Variants in MRPL38 observed in about 807,000 individuals in gnomAD.
MRPL38 encodes large ribosomal subunit protein mL38.
Under a neutral mutation model 52.1 loss-of-function variants are expected in MRPL38, and 51 were observed. That is an observed-to-expected ratio of 0.98 (90% CI 0.78 to 1.24). The LOEUF (loss-of-function observed/expected upper bound fraction) is 1.24, where lower values mean the gene tolerates loss of function less well. MRPL38 is among the 50% of genes most tolerant of loss of function. MRPL38 has a pLI of 0.00. For synonymous variants in MRPL38, 245 were observed against 212.7 expected, an observed-to-expected ratio of 1.15 and a Z score of -1.32; for missense variants, 527 against 518.6, an observed-to-expected ratio of 1.02 and a Z score of -0.16.
chr17:75,904,032 T>TG (rs2065417132), intron 2 of MRPL38, among the ~76,000 whole-genome samples: 1 of 152,164 alleles, frequency 6.6e-6, no homozygotes, highest in Admixed American at 6.5e-5. Flanking sequence ...CCGGCCAGGT[T>TG]GGGTTCTTTT....
intron 2 of MRPL38, among the ~76,000 whole-genome samples, chr17:75,902,790 C>T (rs993040980): frequency 6.6e-6 from 1 of 152,178 alleles, no homozygotes; most frequent in Non-Finnish European, 1.5e-5. Flanking sequence ...GGCGCGATCT[C>T]GGCACACTGC....
chr17:75,901,745 A>G lies in MRPL38; in HGVS notation c.558T>C (p.Pro186=), dbSNP rs2144132990. 6.2e-7 allele frequency: 1 copy of G among 1,613,802 alleles called. No homozygotes were observed. Among genetic ancestry groups the G allele is most frequent in the Non-Finnish European group, 8.5e-7 (1 of 1,179,884 alleles). Reference sequence around the variant, plus strand: ...GAGTCACCTCATTGCCACAGTACACAGGCATCAGGTCATCCTCACCCACAG... The same window carrying G: ...GAGTCACCTCATTGCCACAGTACACGGGCATCAGGTCATCCTCACCCACAG... ...AYAVGEDDLM[P]VYCGNEVTPT... The change falls in exon 4 of 9, where the codon CCT becomes CCC. Residue 186 remains proline (P), a synonymous_variant. Coordinates refer to ENST00000309352, the MANE Select transcript of MRPL38 (RefSeq NM_032478.4). The surrounding 1 kb of genome is among the most constrained non-coding windows in gnomAD (Gnocchi z 5.7).
rs762154254 is a variant in MRPL38 at position 75,902,088 on chromosome 17, TC to T, written c.313del (p.Glu105AsnfsTer80). The T allele has an allele frequency of 1.9e-6, 3 of 1,608,596 alleles. No individual in the cohort carries two copies. Among genetic ancestry groups the T allele is most frequent in the Non-Finnish European group, 2.5e-6 (3 of 1,177,882 alleles). The stretch of plus-strand genomic sequence containing the variant: ...AAGCTCCTGGATGGCCTGTTTCCGT[TC>T]CAGTAGCTGTTGGGTCCGGGAGACT... ...PKVSRTQQLL[E>X]RKQAIQELRA... On this transcript the variant is annotated frameshift_variant, in exon 3 of 9. Transcript: ENST00000309352. LOFTEE classifies it high-confidence loss of function.
chr17:75,904,663 A>T lies in MRPL38; in HGVS notation c.124T>A (p.Leu42Met). ...TTCTCCAGCCGCTCCAGGTTGCTCAAGTCGATGTCACTGTTGGGCATCGGC... is the reference window on the plus strand; with the variant it reads ...TTCTCCAGCCGCTCCAGGTTGCTCATGTCGATGTCACTGTTGGGCATCGGC... Reference protein sequence around the residue: ...LGPMPNSDIDLSNLERLEKYR... With the variant: ...LGPMPNSDIDMSNLERLEKYR... The change falls in exon 2 of 9, where the codon TTG (leucine) becomes ATG (methionine). Residue 42 changes from leucine to methionine, a missense_variant. Physicochemically the swap from Leu to Met is conservative, Grantham distance 15. Coordinates refer to ENST00000309352, the MANE Select transcript of MRPL38 (RefSeq NM_032478.4). 1 of 1,598,142 alleles carries T rather than the reference A, an allele frequency of 6.3e-7. No homozygotes were observed. The highest frequency in any genetic ancestry group is 8.5e-7 in the Non-Finnish European group (1 of 1,178,708).
At chr17:75,902,808 G>A (rs993650881) in intron 2 of MRPL38, among the ~76,000 whole-genome samples, 2 of 152,128 alleles carry the variant, frequency 1.3e-5, no homozygotes, top group East Asian at 1.9e-4. Flanking sequence ...TGCAACCTCT[G>A]CCTCCCGGGT....
rs757240059 is a variant in MRPL38, at chr17:75,904,571, C to T, written c.216G>A (p.Arg72=). 4 of 1,576,628 alleles carry T rather than the reference C, an allele frequency of 2.5e-6. No individual in the cohort carries two copies. Among genetic ancestry groups the T allele is most frequent in the Non-Finnish European group, 3.4e-6 (4 of 1,170,876 alleles). ...EQEAQAPHWW[R]TYREYFGEKT... is the part of the protein sequence containing the mutation. Reference sequence around the variant, plus strand: ...TCTCCCCGAAATACTCTCGGTAGGTCCGCCACCAGTGCGGGGCCTGCGCCT... The same window carrying T: ...TCTCCCCGAAATACTCTCGGTAGGTTCGCCACCAGTGCGGGGCCTGCGCCT... The change falls in exon 2 of 9, where the codon CGG becomes CGA. Residue 72 remains arginine, a synonymous_variant. Coordinates refer to ENST00000309352, the MANE Select transcript of MRPL38 (RefSeq NM_032478.4).
Position 75,898,990 on chromosome 17 carries a change from C to T in MRPL38, c.1007-4G>A. 6.3e-7 allele frequency: 1 copy of T among 1,592,130 alleles called. No individual in the cohort carries two copies. ...TCAAACACCGGCTCCCGCATGTCTG[C>T]AAGAAGAGTGAGGGGTACGGGGTGG... On this transcript the variant is annotated splice_region_variant and splice_polypyrimidine_tract_variant and intron_variant, in intron 8 of 8. Coordinates refer to ENST00000309352, the MANE Select transcript of MRPL38 (RefSeq NM_032478.4).
Position 75,901,041 on chromosome 17 carries a change from C to T in MRPL38, c.665-14G>A. On this transcript the variant is annotated splice_polypyrimidine_tract_variant and intron_variant, in intron 5 of 8. Coordinates refer to ENST00000309352, the MANE Select transcript of MRPL38 (RefSeq NM_032478.4). The surrounding 1 kb of genome is among the most constrained non-coding windows in gnomAD (Gnocchi z 5.7). ...GCAGGTGCCCATCTGCACAAAAACA[C>T]ACCTGCTGACCACGGCCCAGCCGAC... is the stretch of plus-strand genomic sequence containing the variant. 6.2e-7 allele frequency: 1 copy of T among 1,611,146 alleles called. No individual in the cohort carries two copies. Among genetic ancestry groups the T allele is most frequent in the South Asian group, 1.1e-5 (1 of 90,602 alleles).
At chr17:75,904,770 GCCCCCCCCCC>G in intron 1 of MRPL38, 29 bp downstream of exon 1, 2 of 500,004 alleles carry the variant, frequency 4.0e-6, no homozygotes, top group Non-Finnish European at 5.6e-6. Flanking sequence ...TCGGGCGACA[GCCCCCCCCCC>G]CCCCCCCGCA....
chr17:75,901,296 G>C lies in MRPL38; in HGVS notation c.592-23C>G. 1 of 1,610,536 alleles carries C rather than the reference G, an allele frequency of 6.2e-7. No homozygotes were observed. The highest frequency in any genetic ancestry group is 1.7e-4 in the Middle Eastern group (1 of 6,052). On this transcript the variant is annotated intron_variant, in intron 4 of 8. Coordinates refer to ENST00000309352, the MANE Select transcript of MRPL38 (RefSeq NM_032478.4). This position sits in a 1 kb window ranked among gnomAD's most constrained non-coding sequence, Gnocchi z 5.7. ...AGCCTGGCAGGGTGAGAAGGAAGCT[G>C]TCAGCCCCACCAGGGACAGGCCAGC... is the stretch of plus-strand genomic sequence containing the variant.
At position 75,899,624 on chromosome 17, in the gene MRPL38, TAGGGACACGTCACCTGTCCTTC is replaced by T; in HGVS notation, c.739_760del (p.Glu247ThrfsTer58). 6.2e-7 allele frequency: 1 copy of T among 1,601,326 alleles called. No homozygotes were observed. Among genetic ancestry groups the T allele is most frequent in the South Asian group, 1.1e-5 (1 of 89,684 alleles). Reference sequence around the variant, plus strand: ...GCCTCGGGCAGGGAAGGGGGGGAGGTAGGGACACGTCACCTGTCCTTCAGCCACCCGGTTACCCGGGATGTTG... The same window carrying T: ...GCCTCGGGCAGGGAAGGGGGGGAGGTAGCCACCCGGTTACCCGGGATGTTG... On this transcript the variant is annotated frameshift_variant, in exon 7 of 9. Transcript: ENST00000309352. LOFTEE classifies it high-confidence loss of function.
At position 75,902,137 on chromosome 17, in the gene MRPL38, C is replaced by CAATCTTCTCTT; in HGVS notation, c.254_264dup (p.Asp89LysfsTer100). On this transcript the variant is annotated frameshift_variant, in exon 3 of 9. Transcript: ENST00000309352. LOFTEE classifies it high-confidence loss of function. ...ACTTTGGGTGGAGGCAGCCCAATATCAATCTTCTCTTTGGGATCTGGAGTG... is the reference window on the plus strand; with the variant it reads ...ACTTTGGGTGGAGGCAGCCCAATATCAATCTTCTCTTAATCTTCTCTTTGGGATCTGGAGTG... 6.4e-7 allele frequency: 1 copy of CAATCTTCTCTT among 1,565,692 alleles called. No individual in the cohort carries two copies. The highest frequency in any genetic ancestry group is 1.9e-5 in the Admixed American group (1 of 52,754).
chr17:75,899,545 G>C lies in MRPL38; in HGVS notation c.840C>G (p.Asp280Glu), dbSNP rs562216718. Residue 280 changes from aspartate (D) to glutamate (E), a missense_variant, in exon 7 of 9, where the codon GAC (aspartate) becomes GAG (glutamate). Coordinates refer to ENST00000309352, the MANE Select transcript of MRPL38 (RefSeq NM_032478.4). ...GTGAGGGGCGTGCGTCCTCAGAGAA[G>C]TCAATCGGCTGGTCCTGCTTGAAGA... ...FLLFKQDQPI[D>E]FSEDARPSPC... 5 of 1,602,328 alleles carry C rather than the reference G, an allele frequency of 3.1e-6. No homozygotes were observed. The highest frequency in any genetic ancestry group is 2.2e-5 in the South Asian group (2 of 90,078).
chr17:75,903,502 C>T (rs2065414627), intron 2 of MRPL38, among the ~76,000 whole-genome samples: 1 of 152,154 alleles, frequency 6.6e-6, no homozygotes, highest in Non-Finnish European at 1.5e-5. Context: ...CTCTTTTAAT[C>T]CTCACAGCAA....
chr17:75,904,770 G>GCCCCCCCCCCCCCCCCCCCCCCCCCCCCC, intron 1 of MRPL38, 39 bp downstream of exon 1: 4 of 500,008 alleles, frequency 8.0e-6, no homozygotes, highest in Non-Finnish European at 5.6e-6. Context: ...TCGGGCGACA[G>GCCCCCCCCCCCCCCCCCCCCCCCCCCCCC]CCCCCCCCCC....
Position 75,901,180 on chromosome 17 carries a change from T to C in MRPL38, c.664+21A>G. ...TAGGAGGTGAGCGGGGCAGGAGGCC[T>C]GGTGAGCCCCAGACACCCACCCAAG... On this transcript the variant is annotated intron_variant, in intron 5 of 8. Coordinates refer to ENST00000309352, the MANE Select transcript of MRPL38 (RefSeq NM_032478.4). This position sits in a 1 kb window ranked among gnomAD's most constrained non-coding sequence, Gnocchi z 5.7. 6.2e-7 allele frequency: 1 copy of C among 1,612,564 alleles called. No homozygotes were observed.
rs2065404765 is a variant in MRPL38, at chr17:75,901,633, C to T, written c.591+79G>A. 1 of 1,258,152 alleles carries T rather than the reference C, an allele frequency of 7.9e-7. No individual in the cohort carries two copies. The highest frequency in any genetic ancestry group is 1.8e-5 in the Admixed American group (1 of 54,592). 77.9% of individuals were successfully genotyped at this position (1,258,152 alleles called of 1,614,324 possible). On this transcript the variant is annotated intron_variant, in intron 4 of 8. Transcript: ENST00000309352. The surrounding 1 kb of genome is among the most constrained non-coding windows in gnomAD (Gnocchi z 5.7). ...ACAGAGAACAACAAAATTCCAAACCCAGGAGTGTCTGTGACACTGAGATGG... is the reference window on the plus strand; with the variant it reads ...ACAGAGAACAACAAAATTCCAAACCTAGGAGTGTCTGTGACACTGAGATGG...
intron 7 of MRPL38, 34 bp from the exon 8 acceptor site, chr17:75,899,328 A>G (rs751150693): frequency 1.9e-6 from 3 of 1,604,918 alleles, no homozygotes; most frequent in African/African-American, 2.7e-5. Context: ...GAGAGTGTGG[A>G]GTGGGGCACC....
intron 6 of MRPL38, 183 bp downstream of exon 6, chr17:75,900,799 C>T: frequency 1.4e-6 from 2 of 1,424,206 alleles, no homozygotes; most frequent in Non-Finnish European, 9.2e-7. Context: ...ACTTTGTCTC[C>T]TGTAGCTGTC....
Sources: gnomAD v4.1 joint callset for allele counts (sites outside exome capture counted in the v4.1 genomes callset) on GRCh38, gnomAD v4.1.1 for gene constraint, Gnocchi (gnomAD v3.1) non-coding constraint, MANE v1.5 for transcripts, NCBI Gene and HGNC (gene_info 2026-07-23, HGNC 2026-07-21) for gene names.